IGLON5: variants seen among roughly 807,000 people sequenced by gnomAD.
IGLON5 encodes Ig-like domain-containing protein ENSP00000270642.
IGLON5 carries 16 observed loss-of-function variants against 38.2 expected under a neutral mutation model. That is an observed-to-expected ratio of 0.42 (90% confidence interval 0.28 to 0.64). IGLON5 has a LOEUF of 0.64. Ranked by LOEUF, IGLON5 falls within the 30% of genes least tolerant of loss-of-function variation. The pLI, the probability that IGLON5 is intolerant of heterozygous loss-of-function variation, is 0.23. For synonymous variants in IGLON5, 207 were observed against 216.4 expected (o/e 0.96, Z 0.38); for missense variants, 366 against 483.4 (o/e 0.76, Z 2.28).
At position 51,311,753 on chromosome 19, in the gene IGLON5, G is replaced by GGGGTCCCCCTCCCCCTCCCCCCTC; in HGVS notation, c.-94_-71dup. The GGGGTCCCCCTCCCCCTCCCCCCTC allele has an allele frequency of 8.3e-6, 1 of 120,604 alleles. No individual in the cohort carries two copies. The highest frequency in any genetic ancestry group is 1.6e-5 in the Non-Finnish European group (1 of 60,702). The allele number at this position is 120,604 out of a possible 1,614,324, so 7.5% of individuals were successfully genotyped here. A position where few individuals can be genotyped will look rare whatever the true frequency, so the allele number is the denominator to read the frequency against. ...CCCCCCGGGCCGGTGCAGCGCAGGC[G>GGGGTCCCCCTCCCCCTCCCCCCTC]GGGTCCCCCTCCCCCTCCCCCCTCT... On this transcript the variant is annotated 5_prime_UTR_variant, in exon 1 of 8. Transcript: ENST00000270642.
At chr19:51,326,500 G>C (rs986954733) in intron 4 of IGLON5, among the ~76,000 whole-genome samples, 6 of 152,034 alleles carry the variant, frequency 3.9e-5, no homozygotes, top group African/African-American at 1.5e-4. Flanking sequence ...ATTCCTGGAG[G>C]GATCTCCTGA....
chr19:51,319,092 G>A (rs10410077), intron 1 of IGLON5, among the ~76,000 whole-genome samples: 5,742 of 152,298 alleles, frequency 0.038, 405 homozygotes, highest in African/African-American at 0.13. Flanking sequence ...CCGTGCTGAG[G>A]TTTAGGAACC....
rs1419029374 is a variant in IGLON5, at chr19:51,327,947, A to C, written c.922+61A>C. 1.4e-6 allele frequency: 2 copies of C among 1,434,008 alleles called. No individual in the cohort carries two copies. Among genetic ancestry groups the C allele is most frequent in the African/African-American group, 1.5e-5 (1 of 67,972 alleles). The allele number at this position is 1,434,008 out of a possible 1,614,324, so 88.8% of individuals were successfully genotyped here. ...GCGGGGCCGGGGGCGGGGCTAGGGA[A>C]GTGGAGACGCCGGGACCGCCCTTCA... On this transcript the variant is annotated intron_variant, in intron 7 of 7. Coordinates refer to ENST00000270642, the MANE Select transcript of IGLON5 (RefSeq NM_001101372.3). The surrounding 1 kb of genome is among the most constrained non-coding windows in gnomAD (Gnocchi z 7.1).
In IGLON5 at chr19:51,323,683, G is replaced by T; in HGVS notation, c.180G>T (p.Val60=). 6.2e-7 allele frequency: 1 copy of T among 1,612,308 alleles called. No individual in the cohort carries two copies. Among genetic ancestry groups the T allele is most frequent in the Non-Finnish European group, 8.5e-7 (1 of 1,178,598 alleles). ...GCAGCTGCTTCATCGACGAGCACGT[G>T]ACCCGCGTGGCCTGGCTGAACCGCT... is the stretch of plus-strand genomic sequence containing the variant. ...ATLSCFIDEH[V]TRVAWLNRSN... is the part of the protein sequence containing the mutation. The change falls in exon 3 of 8, where the codon GTG becomes GTT. Residue 60 remains valine, a synonymous_variant. Coordinates refer to ENST00000270642, the MANE Select transcript of IGLON5 (RefSeq NM_001101372.3).
chr19:51,313,649 TTC>T (rs1270317646), intron 1 of IGLON5, among the ~76,000 whole-genome samples: 1 of 64,282 alleles, frequency 1.6e-5, no homozygotes, highest in Non-Finnish European at 2.9e-5. Flanking sequence ...CTCTCTCTTT[TTC>T]TTTCTTTCTT....
intron 1 of IGLON5, among the ~76,000 whole-genome samples, chr19:51,321,469 G>A (rs567227410): frequency 7.9e-4 from 121 of 152,228 alleles, no homozygotes; most frequent in African/African-American, 2.8e-3. Flanking sequence ...GTGAGCCACC[G>A]CACCTGGCCG....
rs762714710 is a variant in IGLON5, at chr19:51,324,073, G to A, written c.391+179G>A. 2.5e-4 allele frequency among the ~76,000 whole-genome samples: 38 copies of A among 152,302 alleles called. No homozygotes were observed. Among genetic ancestry groups the A allele is most frequent in the Middle Eastern group, 3.4e-3 (1 of 294 alleles). On this transcript the variant is annotated intron_variant, in intron 3 of 7. Coordinates refer to ENST00000270642, the MANE Select transcript of IGLON5 (RefSeq NM_001101372.3). This position sits in a 1 kb window ranked among gnomAD's most constrained non-coding sequence, Gnocchi z 4.2. Reference sequence around the variant, plus strand: ...GGGGGCCAGTTACACAGACAGTGACGCATCAACATGATTGCTTCTAGGGCA... The same window carrying A: ...GGGGGCCAGTTACACAGACAGTGACACATCAACATGATTGCTTCTAGGGCA...
rs1243750772 is a variant in IGLON5, at chr19:51,325,744, A to C, written c.511+279A>C. ...CACTTCCCCAACCCCAGTGTCCCCG[A>C]TGTCTCCCCACGCGCTCACAGCATT... On this transcript the variant is annotated intron_variant, in intron 4 of 7. Transcript: ENST00000270642. This position sits in a 1 kb window ranked among gnomAD's most constrained non-coding sequence, Gnocchi z 5.5. 6.6e-6 allele frequency among the ~76,000 whole-genome samples: 1 copy of C among 151,896 alleles called. No individual in the cohort carries two copies. Among genetic ancestry groups the C allele is most frequent in the Non-Finnish European group, 1.5e-5 (1 of 67,986 alleles).
chr19:51,323,909 G>C lies in IGLON5; in HGVS notation c.391+15G>C. The stretch of plus-strand genomic sequence containing the variant: ...CATTGTCCACGGTGAGCCCTTGGCC[G>C]GGGCCTGGCTGGGTGGAGGGGTTGA... On this transcript the variant is annotated intron_variant, in intron 3 of 7. Coordinates refer to ENST00000270642, the MANE Select transcript of IGLON5 (RefSeq NM_001101372.3). 6.4e-7 allele frequency: 1 copy of C among 1,573,216 alleles called. No individual in the cohort carries two copies. Among genetic ancestry groups the C allele is most frequent in the East Asian group, 2.3e-5 (1 of 44,224 alleles).
Position 51,325,494 on chromosome 19 carries a change from C to T in IGLON5, c.511+29C>T. On this transcript the variant is annotated intron_variant, in intron 4 of 7. Transcript: ENST00000270642. The surrounding 1 kb of genome is among the most constrained non-coding windows in gnomAD (Gnocchi z 5.5). Reference sequence around the variant, plus strand: ...AGGACCCCATCCCAGGTCAAAAGCCCCGTCCCCCACTGCGCAGTCTGGGCC... The same window carrying T: ...AGGACCCCATCCCAGGTCAAAAGCCTCGTCCCCCACTGCGCAGTCTGGGCC... 1 of 1,591,322 alleles carries T rather than the reference C, an allele frequency of 6.3e-7. No individual in the cohort carries two copies. The highest frequency in any genetic ancestry group is 8.6e-7 in the Non-Finnish European group (1 of 1,168,850).
chr19:51,311,957 C>T, intron 1 of IGLON5, 31 bp downstream of exon 1: 2 of 1,218,460 alleles, frequency 1.6e-6, no homozygotes, highest in Non-Finnish European at 1.0e-6. Context: ...GGGGGCTCGG[C>T]CGGGACGCCA....
Position 51,327,663 on chromosome 19 carries a change from G to T in IGLON5, c.768-69G>T. On this transcript the variant is annotated intron_variant, in intron 6 of 7. Transcript: ENST00000270642. This position sits in a 1 kb window ranked among gnomAD's most constrained non-coding sequence, Gnocchi z 7.1. ...AATGCTGGGTCACCGGGGAACGGAG[G>T]AGCCTGAGAGTCGGGGGGCTGGCCT... 6.5e-7 allele frequency: 1 copy of T among 1,531,514 alleles called. No homozygotes were observed. The allele number at this position is 1,531,514 out of a possible 1,614,324, so 94.9% of individuals were successfully genotyped here. A position where few individuals can be genotyped will look rare whatever the true frequency, so the allele number is the denominator to read the frequency against.
chr19:51,320,250 G>A (rs114493816), intron 1 of IGLON5, among the ~76,000 whole-genome samples: 6,215 of 152,286 alleles, frequency 0.041, 369 homozygotes, highest in African/African-American at 0.13. Context: ...CCCAGAGCCT[G>A]CCAACCCACT....
chr19:51,328,556 A>C, intron 7 of IGLON5, 115 bp from the exon 8 acceptor site: 2 of 484,416 alleles, frequency 4.1e-6, no homozygotes, highest in Non-Finnish European at 7.5e-6. Context: ...ACACCCAATG[A>C]GAGATCCAGA....
intron 1 of IGLON5, among the ~76,000 whole-genome samples, 174 bp from the exon 2 acceptor site, chr19:51,321,890 A>C (rs890752081): frequency 6.6e-6 from 1 of 152,212 alleles, no homozygotes; most frequent in Non-Finnish European, 1.5e-5. Flanking sequence ...CAGCGGGTGC[A>C]GGAGACGTCT....
In IGLON5 at chr19:51,325,986, G is replaced by A. The variant is rs1253171293; in HGVS notation, c.511+521G>A. On this transcript the variant is annotated intron_variant, in intron 4 of 7. Coordinates refer to ENST00000270642, the MANE Select transcript of IGLON5 (RefSeq NM_001101372.3). This position sits in a 1 kb window ranked among gnomAD's most constrained non-coding sequence, Gnocchi z 5.5. ...CCTGCTAAATCCAAAGCTCCCTCTCGCTCCACAAGCCCCAAGAACCAGTGC... is the reference window on the plus strand; with the variant it reads ...CCTGCTAAATCCAAAGCTCCCTCTCACTCCACAAGCCCCAAGAACCAGTGC... Among the ~76,000 whole-genome samples the A allele has an allele frequency of 2.0e-5, 3 of 151,906 alleles. No individual in the cohort carries two copies. Among genetic ancestry groups the A allele is most frequent in the Non-Finnish European group, 4.4e-5 (3 of 68,000 alleles).
Position 51,322,082 on chromosome 19 carries a change from T to A in IGLON5, c.98T>A (p.Leu33Gln), listed in dbSNP as rs1379320305. The change falls in exon 2 of 8, where the codon CTG becomes CAG. Residue 33 changes from leucine (L) to glutamine (Q), a missense_variant. Transcript: ENST00000270642. ...VISRGLLSQS[L>Q]EFNSPADNYT... ...TCCACAGGGCTGCTCTCCCAGAGCC[T>A]GGAGTTCAACTCTCCTGCCGACAAC... 2 of 1,613,324 alleles carry A rather than the reference T, an allele frequency of 1.2e-6. No homozygotes were observed. The highest frequency in any genetic ancestry group is 1.7e-6 in the Non-Finnish European group (2 of 1,179,842).
intron 1 of IGLON5, among the ~76,000 whole-genome samples, chr19:51,321,302 C>T (rs184785284): frequency 6.6e-6 from 1 of 152,180 alleles, no homozygotes; most frequent in Admixed American, 6.5e-5. Context: ...CTCAGCCACC[C>T]GAGTAGCTGG....
At chr19:51,319,975 G>T (rs1300231946) in intron 1 of IGLON5, among the ~76,000 whole-genome samples, 1 of 152,118 alleles carries the variant, frequency 6.6e-6, no homozygotes. Context: ...CATAGCAAGT[G>T]TGGGGACTAT....
Sources: gnomAD v4.1 joint callset for allele counts (sites outside exome capture counted in the v4.1 genomes callset) on GRCh38, gnomAD v4.1.1 for gene constraint, Gnocchi (gnomAD v3.1) non-coding constraint, MANE v1.5 for transcripts, NCBI Gene and HGNC (gene_info 2026-07-23, HGNC 2026-07-21) for gene names.